ST6GALNAC3: variants seen among roughly 807,000 people sequenced by gnomAD.
ST6GALNAC3 encodes alpha-N-acetylgalactosaminide alpha-2,6-sialyltransferase 3.
A neutral mutation model predicts 32.7 loss-of-function variants in ST6GALNAC3; 25 were observed. That is an observed-to-expected ratio of 0.76 (90% CI 0.56 to 1.07). ST6GALNAC3 has a LOEUF of 1.07. ST6GALNAC3 is among the 50% of genes least tolerant of loss of function. The pLI, the probability that ST6GALNAC3 is intolerant of heterozygous loss-of-function variation, is 0.00. For missense variants in ST6GALNAC3, 355 were observed against 382.4 expected, an observed-to-expected ratio of 0.93 and a Z score of 0.60; for synonymous variants, 129 against 133.1, an observed-to-expected ratio of 0.97 and a Z score of 0.21.
chr1:76,235,065 G>A (rs553308024), intron 1 of ST6GALNAC3, among the ~76,000 whole-genome samples: 16 of 152,276 alleles, frequency 1.1e-4, no homozygotes, highest in African/African-American at 3.9e-4. Flanking sequence ...CTGCTGTGTA[G>A]GAGGTGCCAA....
intron 3 of ST6GALNAC3, among the ~76,000 whole-genome samples, chr1:76,615,690 T>C (rs569944867): frequency 1.3e-5 from 2 of 152,378 alleles, no homozygotes; most frequent in South Asian, 2.1e-4. Context: ...ATATTTCAAG[T>C]AGCTGCTCTC....
intron 3 of ST6GALNAC3, among the ~76,000 whole-genome samples, chr1:76,588,337 T>C (rs1262131917): frequency 6.6e-6 from 1 of 152,168 alleles, no homozygotes; most frequent in South Asian, 2.1e-4. Flanking sequence ...TTTCATGTTT[T>C]CTTGGTTTCT....
chr1:76,086,025 A>G (rs1258681420), intron 1 of ST6GALNAC3, among the ~76,000 whole-genome samples: 1 of 152,204 alleles, frequency 6.6e-6, no homozygotes, highest in Non-Finnish European at 1.5e-5. Context: ...TGCACGAGCT[A>G]GGGGCTGGGA....
At chr1:76,328,540 A>G (rs1647124568) in intron 2 of ST6GALNAC3, among the ~76,000 whole-genome samples, 1 of 152,200 alleles carries the variant, frequency 6.6e-6, no homozygotes, top group South Asian at 2.1e-4. Context: ...GAGTTACTCA[A>G]GCCCCATTTT....
intron 3 of ST6GALNAC3, among the ~76,000 whole-genome samples, chr1:76,544,965 T>C (rs576793215): frequency 2.0e-5 from 3 of 152,224 alleles, no homozygotes; most frequent in Non-Finnish European, 2.9e-5. Context: ...GACATTTAGC[T>C]GCATGAAATC....
intron 2 of ST6GALNAC3, among the ~76,000 whole-genome samples, chr1:76,327,394 G>T (rs528079899): frequency 9.5e-4 from 144 of 151,902 alleles, no homozygotes; most frequent in African/African-American, 3.4e-3. Flanking sequence ...AAGCCAGTAG[G>T]CTGGAGACTC....
At chr1:76,302,056 G>A (rs991517185) in intron 1 of ST6GALNAC3, among the ~76,000 whole-genome samples, 2 of 151,874 alleles carry the variant, frequency 1.3e-5, no homozygotes, top group Non-Finnish European at 2.9e-5. Context: ...AATGATGATG[G>A]TGGTGGTGGT....
At chr1:76,593,513 G>A (rs1647081826) in intron 3 of ST6GALNAC3, among the ~76,000 whole-genome samples, 1 of 152,160 alleles carries the variant, frequency 6.6e-6, no homozygotes, top group African/African-American at 2.4e-5. Flanking sequence ...CTTGGACAGG[G>A]CAGAATTTTG....
chr1:76,203,107 A>G (rs1282931782), intron 1 of ST6GALNAC3, among the ~76,000 whole-genome samples: 1 of 152,220 alleles, frequency 6.6e-6, no homozygotes, highest in East Asian at 1.9e-4. Context: ...GCTAGGTCCT[A>G]GGGTACATGC....
intron 3 of ST6GALNAC3, among the ~76,000 whole-genome samples, chr1:76,469,200 C>A (rs1658856480): frequency 6.6e-6 from 1 of 151,936 alleles, no homozygotes; most frequent in African/African-American, 2.4e-5. Context: ...TGAAAGACTT[C>A]TTTTTCCCTA....
At chr1:76,135,929 G>T (rs572176663) in intron 1 of ST6GALNAC3, among the ~76,000 whole-genome samples, 18 of 152,146 alleles carry the variant, frequency 1.2e-4, no homozygotes, top group Non-Finnish European at 2.4e-4. Flanking sequence ...CTTGGCTCTG[G>T]CTCAGCTGTG....
chr1:76,256,665 C>T (rs1199241080), intron 1 of ST6GALNAC3, among the ~76,000 whole-genome samples: 4 of 151,224 alleles, frequency 2.6e-5, no homozygotes, highest in Admixed American at 6.6e-5. Flanking sequence ...TATGTGTTCA[C>T]GGGATGACAG....
chr1:76,238,270 C>T (rs566284492), intron 1 of ST6GALNAC3, among the ~76,000 whole-genome samples: 1 of 152,274 alleles, frequency 6.6e-6, no homozygotes, highest in East Asian at 1.9e-4. Flanking sequence ...AAAGCTATTA[C>T]AGAAATGTAA....
At chr1:76,407,644 A>T (rs1388588608) in intron 2 of ST6GALNAC3, among the ~76,000 whole-genome samples, 1 of 152,054 alleles carries the variant, frequency 6.6e-6, no homozygotes, top group Non-Finnish European at 1.5e-5. Flanking sequence ...CTTTGAGTGC[A>T]CAAGAGACAA....
intron 3 of ST6GALNAC3, among the ~76,000 whole-genome samples, chr1:76,499,746 A>G (rs552944378): frequency 6.6e-6 from 1 of 152,302 alleles, no homozygotes; most frequent in African/African-American, 2.4e-5. Flanking sequence ...GGAATGAAAA[A>G]TTATAATCAA....
At chr1:76,075,143 C>T (rs1646796158) in intron 1 of ST6GALNAC3, among the ~76,000 whole-genome samples, 1 of 152,186 alleles carries the variant, frequency 6.6e-6, no homozygotes, top group Non-Finnish European at 1.5e-5. Flanking sequence ...CAGGGGAGAG[C>T]AGGGCTGTGT....
intron 3 of ST6GALNAC3, among the ~76,000 whole-genome samples, chr1:76,423,470 G>A (rs1242009590): frequency 6.6e-6 from 1 of 151,864 alleles, no homozygotes; most frequent in Non-Finnish European, 1.5e-5. Flanking sequence ...ACAATTTAAT[G>A]AGAAGCATTG....
chr1:76,239,329 T>C (rs1283676686), intron 1 of ST6GALNAC3, among the ~76,000 whole-genome samples: 2 of 152,018 alleles, frequency 1.3e-5, no homozygotes, highest in Non-Finnish European at 2.9e-5. Flanking sequence ...GGGGGAAGGA[T>C]GTGGAGAGAG....
At chr1:76,548,093 G>T (rs1664406828) in intron 3 of ST6GALNAC3, among the ~76,000 whole-genome samples, 1 of 152,060 alleles carries the variant, frequency 6.6e-6, no homozygotes, top group Admixed American at 6.5e-5. Flanking sequence ...TAAGCTCCAG[G>T]CTCAGAGGGC....
Sources: gnomAD v4.1 joint callset for allele counts (sites outside exome capture counted in the v4.1 genomes callset) on GRCh38, gnomAD v4.1.1 for gene constraint, MANE v1.5 for transcripts, NCBI Gene and HGNC (gene_info 2026-07-23, HGNC 2026-07-21) for gene names.